The following RERE variants were observed in gnomAD, a reference collection of about 807,000 sequenced individuals.
RERE encodes the protein arginine-glutamic acid dipeptide repeats.
A neutral mutation model predicts 146.1 loss-of-function variants in RERE; 40 were observed. That is an observed-to-expected ratio of 0.27 (90% confidence interval 0.21 to 0.36). The LOEUF (loss-of-function observed/expected upper bound fraction) is 0.36, where lower values mean the gene tolerates loss of function less well. RERE is among the 10% of genes least tolerant of loss of function. RERE has a pLI of 1.00. For synonymous variants in RERE, 1,003 were observed against 866.0 expected (o/e 1.16, Z -2.78); for missense variants, 1,933 against 2,138.7 (o/e 0.90, Z 1.90).
At chr1:8,630,663 T>A (rs1183678453) in intron 2 of RERE, among the ~76,000 whole-genome samples, 3 of 152,092 alleles carry the variant, frequency 2.0e-5, no homozygotes, top group Non-Finnish European at 2.9e-5. Flanking sequence ...AAAGCTGCAG[T>A]GAGCTATGAT....
At chr1:8,662,047 T>C (rs1638468986) in intron 1 of RERE, among the ~76,000 whole-genome samples, 1 of 152,236 alleles carries the variant, frequency 6.6e-6, no homozygotes, top group African/African-American at 2.4e-5. Context: ...TAGAAGATTA[T>C]ACATCATCAT....
intron 15 of RERE, among the ~76,000 whole-genome samples, chr1:8,363,068 C>A (rs891560149): frequency 6.6e-6 from 1 of 152,232 alleles, no homozygotes. Context: ...CGCCAGAGGG[C>A]GGTTCTCAAA....
At position 8,817,456 on chromosome 1, in the gene RERE, T is replaced by C. The variant is rs1569856819; in HGVS notation, c.-441A>G. Reference sequence around the variant, plus strand: ...GGGCGAGGGGGCTCCCTGAGGATGATGGTGATTTTTTTTTTTTTTTAATCC... The same window carrying C: ...GGGCGAGGGGGCTCCCTGAGGATGACGGTGATTTTTTTTTTTTTTTAATCC... On this transcript the variant is annotated 5_prime_UTR_variant, in exon 1 of 23. Coordinates refer to ENST00000400908, the MANE Select transcript of RERE (RefSeq NM_001042681.2). 1.1e-5 allele frequency: 1 copy of C among 91,454 alleles called. No individual in the cohort carries two copies. The highest frequency in any genetic ancestry group is 2.1e-5 in the Non-Finnish European group (1 of 47,254). The allele number at this position is 91,454 out of a possible 1,614,324, so 5.7% of individuals were successfully genotyped here. A position where few individuals can be genotyped will look rare whatever the true frequency, so the allele number is the denominator to read the frequency against.
chr1:8,441,023 C>A (rs1644241048), intron 11 of RERE, among the ~76,000 whole-genome samples: 1 of 135,766 alleles, frequency 7.4e-6, no homozygotes, highest in African/African-American at 2.8e-5. Flanking sequence ...GGTGGGGGGG[C>A]TGTTTTGCTT....
At chr1:8,393,630 A>C (rs1642958486) in intron 12 of RERE, among the ~76,000 whole-genome samples, 1 of 152,202 alleles carries the variant, frequency 6.6e-6, no homozygotes, top group South Asian at 2.1e-4. Context: ...AGCGCAGGCA[A>C]GGTCCATTTC....
At chr1:8,729,534 T>C (rs916751492) in intron 1 of RERE, among the ~76,000 whole-genome samples, 1 of 152,152 alleles carries the variant, frequency 6.6e-6, no homozygotes, top group Non-Finnish European at 1.5e-5. Context: ...TATTTTTTTA[T>C]GTGTATTTTC....
chr1:8,718,707 G>A (rs1235215316), intron 1 of RERE, among the ~76,000 whole-genome samples: 1 of 152,198 alleles, frequency 6.6e-6, no homozygotes, highest in Admixed American at 6.5e-5. Flanking sequence ...AGTGGTAAAG[G>A]TCTCTAGCTC....
intron 8 of RERE, among the ~76,000 whole-genome samples, chr1:8,499,882 G>T (rs1049901696): frequency 6.6e-6 from 1 of 152,244 alleles, no homozygotes; most frequent in Non-Finnish European, 1.5e-5. Context: ...CACTTTCAGA[G>T]GCCGAGGCGG....
intron 1 of RERE, among the ~76,000 whole-genome samples, chr1:8,704,348 T>C (rs561400950): frequency 6.6e-6 from 1 of 152,334 alleles, no homozygotes; most frequent in Admixed American, 6.5e-5. Context: ...AAAATACAAA[T>C]TCTAACTATT....
chr1:8,448,699 C>CGT (rs1644354313), intron 11 of RERE, among the ~76,000 whole-genome samples: 1 of 151,944 alleles, frequency 6.6e-6, no homozygotes, highest in South Asian at 2.1e-4. Context: ...GGCCCTGGCG[C>CGT]ACATCTGTAA....
intron 1 of RERE, among the ~76,000 whole-genome samples, chr1:8,781,620 C>T (rs545223690): frequency 6.6e-6 from 1 of 151,464 alleles, no homozygotes; most frequent in East Asian, 1.9e-4. Context: ...TCCGTGCCTC[C>T]ATTTTCTCAC....
chr1:8,698,099 T>A (rs751798378), intron 1 of RERE, among the ~76,000 whole-genome samples: 1 of 152,238 alleles, frequency 6.6e-6, no homozygotes, highest in Non-Finnish European at 1.5e-5. Flanking sequence ...TAACATTTTT[T>A]AAATGTTTAA....
chr1:8,399,313 G>T (rs1557610510), intron 12 of RERE, among the ~76,000 whole-genome samples: 1 of 151,980 alleles, frequency 6.6e-6, no homozygotes, highest in Non-Finnish European at 1.5e-5. Context: ...ACATTAAAAT[G>T]TTCTATTTTC....
chr1:8,548,959 G>A (rs1645900482), intron 6 of RERE, among the ~76,000 whole-genome samples: 1 of 152,116 alleles, frequency 6.6e-6, no homozygotes, highest in Non-Finnish European at 1.5e-5. Flanking sequence ...ACTCCAGCCT[G>A]GGCAACAGAG....
intron 6 of RERE, among the ~76,000 whole-genome samples, chr1:8,550,820 T>A (rs1290940525): frequency 6.6e-6 from 1 of 152,198 alleles, no homozygotes; most frequent in East Asian, 1.9e-4. Flanking sequence ...AGTGCTGGGA[T>A]TACAGGCGTG....
At chr1:8,779,248 C>T (rs1194213245) in intron 1 of RERE, among the ~76,000 whole-genome samples, 1 of 151,778 alleles carries the variant, frequency 6.6e-6, no homozygotes, top group Non-Finnish European at 1.5e-5. Flanking sequence ...TAAGTTCCAT[C>T]CGGGCGCAGT....
intron 4 of RERE, among the ~76,000 whole-genome samples, chr1:8,585,881 A>G (rs1226438779): frequency 6.6e-6 from 1 of 152,228 alleles, no homozygotes; most frequent in African/African-American, 2.4e-5. Context: ...CTGAAATCAT[A>G]TAATTAAAAT....
intron 11 of RERE, among the ~76,000 whole-genome samples, chr1:8,445,110 T>C (rs1270551523): frequency 3.9e-5 from 6 of 152,216 alleles, no homozygotes; most frequent in African/African-American, 1.4e-4. Context: ...AAAATTCTTT[T>C]AGGGGCTTCA....
rs184671133 is a variant in RERE at position 8,408,787 on chromosome 1, T to C, written c.1284+13940A>G. Among the ~76,000 whole-genome samples, 8 of 152,244 alleles carry C rather than the reference T, an allele frequency of 5.3e-5. No homozygotes were observed. The East Asian group carries it at 5.8e-4, about 11-fold the overall frequency. On this transcript the variant is annotated intron_variant, in intron 12 of 22. Transcript: ENST00000400908. ...TTTTCCTTTTGGTGTAAAGGTTATGTGTGCTATAAAAAATGACTCCTGCCG... is the reference window on the plus strand; with the variant it reads ...TTTTCCTTTTGGTGTAAAGGTTATGCGTGCTATAAAAAATGACTCCTGCCG...
Sources: allele counts gnomAD v4.1 joint callset (sites outside exome capture counted in the v4.1 genomes callset), GRCh38; gene constraint gnomAD v4.1.1; transcripts MANE v1.5; gene names NCBI Gene and HGNC (gene_info 2026-07-23, HGNC 2026-07-21).